Variants in GABRA1 observed in about 807,000 individuals in gnomAD.
The protein encoded by GABRA1 is gamma-aminobutyric acid receptor subunit alpha-1.
GABRA1 carries 9 observed loss-of-function variants against 48.9 expected under a neutral mutation model. The observed-to-expected ratio is 0.18, with a 90% confidence interval of 0.11 to 0.32. The LOEUF (loss-of-function observed/expected upper bound fraction) is 0.32. GABRA1 is among the 10% of genes least tolerant of loss of function. The pLI, the probability that GABRA1 is intolerant of heterozygous loss-of-function variation, is 1.00. For missense variants in GABRA1, 285 were observed against 553.8 expected, an observed-to-expected ratio of 0.51 and a Z score of 4.87; for synonymous variants, 210 against 198.7, an observed-to-expected ratio of 1.06 and a Z score of -0.48.
At chr5:161,854,481 T>A (rs1019502419) in intron 3 of GABRA1, among the ~76,000 whole-genome samples, 2 of 151,722 alleles carry the variant, frequency 1.3e-5, no homozygotes, top group African/African-American at 2.4e-5. Flanking sequence ...CTTCTAATAA[T>A]GACACGAAGC....
chr5:161,897,822 G>A lies in GABRA1; in HGVS notation c.*400G>A. The A allele has an allele frequency of 6.2e-6, 1 of 161,002 alleles. No individual in the cohort carries two copies. Among genetic ancestry groups the A allele is most frequent in the Admixed American group, 6.2e-5 (1 of 16,116 alleles). The allele number at this position is 161,002 out of a possible 1,614,324, so 10.0% of individuals were successfully genotyped here. On this transcript the variant is annotated 3_prime_UTR_variant, in exon 10 of 10. Coordinates refer to ENST00000393943, the MANE Select transcript of GABRA1 (RefSeq NM_001127644.2). ...TATGTCAAAAATATTTTTATGTGAAGGTGTTTCAAAGGGTAAATTATAAAT... is the reference window on the plus strand; with the variant it reads ...TATGTCAAAAATATTTTTATGTGAAAGTGTTTCAAAGGGTAAATTATAAAT...
At chr5:161,870,085 A>G (rs1293389957) in intron 4 of GABRA1, among the ~76,000 whole-genome samples, 1 of 152,192 alleles carries the variant, frequency 6.6e-6, no homozygotes, top group Non-Finnish European at 1.5e-5. Context: ...ATATTCTCAC[A>G]AGTCTCAACT....
At chr5:161,892,660 C>G (rs1399316307) in intron 8 of GABRA1, among the ~76,000 whole-genome samples, 2 of 143,472 alleles carry the variant, frequency 1.4e-5, no homozygotes. Flanking sequence ...CTTTTTCTCA[C>G]TAGGAAATTA....
chr5:161,872,965 C>T (rs1187354955), intron 4 of GABRA1, 152 bp from the exon 5 acceptor site: 3 of 675,840 alleles, frequency 4.4e-6, no homozygotes, highest in Non-Finnish European at 8.1e-6. Context: ...CTGACATCAA[C>T]ATGTACATGC....
chr5:161,849,107 T>C, intron 1 of GABRA1: 1 of 373,254 alleles, frequency 2.7e-6, no homozygotes, highest in Non-Finnish European at 5.2e-6. Context: ...CAGCTTAGCC[T>C]TTCTTTTAAA....
At chr5:161,892,022 A>G (rs1362767576) in intron 8 of GABRA1, among the ~76,000 whole-genome samples, 2 of 152,242 alleles carry the variant, frequency 1.3e-5, no homozygotes, top group East Asian at 3.8e-4. Flanking sequence ...GCCCATAGTT[A>G]GAAGCTATTA....
At chr5:161,871,546 T>G (rs1754122356) in intron 4 of GABRA1, among the ~76,000 whole-genome samples, 1 of 152,194 alleles carries the variant, frequency 6.6e-6, no homozygotes, top group Non-Finnish European at 1.5e-5. Flanking sequence ...CTTGCTGATA[T>G]CATCCACAGT....
chr5:161,863,922 A>G (rs537930542), intron 3 of GABRA1, among the ~76,000 whole-genome samples: 1 of 152,072 alleles, frequency 6.6e-6, no homozygotes, highest in South Asian at 2.1e-4. Context: ...TTAGGATGTT[A>G]ATGTTTTCAA....
intron 4 of GABRA1, among the ~76,000 whole-genome samples, chr5:161,871,551 C>T (rs1260407398): frequency 6.6e-6 from 1 of 152,184 alleles, no homozygotes; most frequent in African/African-American, 2.4e-5. Flanking sequence ...TGATATCATC[C>T]ACAGTCTCCC....
intron 6 of GABRA1, among the ~76,000 whole-genome samples, chr5:161,879,759 G>T (rs1754530952): frequency 6.6e-6 from 1 of 152,018 alleles, no homozygotes; most frequent in African/African-American, 2.4e-5. Flanking sequence ...TGTAGTAGAT[G>T]GCCTATACAT....
At chr5:161,882,154 C>T (rs562533041) in intron 6 of GABRA1, 32 of 270,676 alleles carry the variant, frequency 1.2e-4, no homozygotes, top group Non-Finnish European at 2.2e-4. Context: ...AGTCTCCATC[C>T]CTTCATTCTC....
intron 4 of GABRA1, among the ~76,000 whole-genome samples, chr5:161,866,877 T>C (rs1046227291): frequency 6.6e-6 from 1 of 152,130 alleles, no homozygotes; most frequent in Non-Finnish European, 1.5e-5. Flanking sequence ...ATGTGGAGTA[T>C]ATAAGAGGTA....
At chr5:161,891,208 T>C (rs1167845601) in intron 8 of GABRA1, among the ~76,000 whole-genome samples, 158 bp downstream of exon 8, 1 of 152,216 alleles carries the variant, frequency 6.6e-6, no homozygotes, top group African/African-American at 2.4e-5. Context: ...TTATGGTATA[T>C]ATTTTTTAAA....
intron 9 of GABRA1, 129 bp from the exon 10 acceptor site, chr5:161,896,982 A>C (rs1299609438): frequency 1.3e-6 from 1 of 785,886 alleles, no homozygotes; most frequent in African/African-American, 1.7e-5. Flanking sequence ...GACAGGCATA[A>C]ATTATGTTTT....
intron 9 of GABRA1, 34 bp downstream of exon 9, chr5:161,895,902 T>C (rs1414857229): frequency 6.5e-7 from 1 of 1,542,926 alleles, no homozygotes; most frequent in Admixed American, 1.7e-5. Flanking sequence ...AGTACATCAA[T>C]ATTATGTCTC....
chr5:161,857,320 T>C (rs1477399326), intron 3 of GABRA1, among the ~76,000 whole-genome samples: 2 of 151,428 alleles, frequency 1.3e-5, no homozygotes, highest in Non-Finnish European at 3.0e-5. Flanking sequence ...AGCTGAGACT[T>C]GAGACTAATA....
In GABRA1 at chr5:161,882,558, A is replaced by T. The variant is rs1388847957; in HGVS notation, c.560A>T (p.Tyr187Phe). Residue 187 changes from tyrosine to phenylalanine, a missense_variant and splice_region_variant, in exon 7 of 10, where the codon TAT (tyrosine) becomes TTT (phenylalanine). Around this residue, in one of 6 missense-constraint regions of GABRA1, gnomAD observed 105 missense variants for 267.4 expected, o/e 0.39. Transcript: ENST00000393943. ...ATCATTTTCTACTGTTTCCTTTTAG[A>T]TGCTTATACAAGAGCAGAAGTTGTT... is the stretch of plus-strand genomic sequence containing the variant. ...AHACPLKFGSYAYTRAEVVYE... is the reference protein window; with the variant it reads ...AHACPLKFGSFAYTRAEVVYE... 1 of 1,613,180 alleles carries T rather than the reference A, an allele frequency of 6.2e-7. No individual in the cohort carries two copies. The highest frequency in any genetic ancestry group is 1.7e-5 in the Admixed American group (1 of 59,884).
At chr5:161,856,434 T>C (rs997016518) in intron 3 of GABRA1, among the ~76,000 whole-genome samples, 3 of 151,386 alleles carry the variant, frequency 2.0e-5, no homozygotes, top group Non-Finnish European at 4.4e-5. Flanking sequence ...GCTACAATAA[T>C]TCCAGGACTT....
intron 6 of GABRA1, among the ~76,000 whole-genome samples, chr5:161,879,228 C>T (rs1754501423): frequency 6.6e-6 from 1 of 152,192 alleles, no homozygotes; most frequent in Admixed American, 6.5e-5. Context: ...CGTACCTCAG[C>T]CTCCTGAGTA....
Sources: gnomAD v4.1 joint callset for allele counts (sites outside exome capture counted in the v4.1 genomes callset) on GRCh38, gnomAD v4.1.1 for gene constraint, gnomAD v4.1.1 regional missense constraint, MANE v1.5 for transcripts, NCBI Gene and HGNC (gene_info 2026-07-23, HGNC 2026-07-21) for gene names.